The following PHACTR1 variants were observed in gnomAD, a reference collection of about 807,000 sequenced individuals.
The protein encoded by PHACTR1 is RPEL repeat containing 1.
A neutral mutation model predicts 69.2 loss-of-function variants in PHACTR1; 16 were observed. The ratio of observed to expected loss-of-function variants is 0.23; its 90% CI spans 0.16 to 0.35. The LOEUF is 0.35. Among genes scored for constraint, PHACTR1 ranks in the 10% least tolerant of loss-of-function variants. The pLI is 1.00. For missense variants in PHACTR1, 510 were observed against 734.7 expected, an observed-to-expected ratio of 0.69 and a Z score of 3.54; for synonymous variants, 312 against 284.5, an observed-to-expected ratio of 1.10 and a Z score of -0.97.
At chr6:13,204,252 C>T (rs1765600508) in intron 7 of PHACTR1, among the ~76,000 whole-genome samples, 1 of 152,104 alleles carries the variant, frequency 6.6e-6, no homozygotes, top group African/African-American at 2.4e-5. Flanking sequence ...CAGATTTGTG[C>T]TCTAGGAATG....
intron 5 of PHACTR1, among the ~76,000 whole-genome samples, chr6:13,138,608 A>G (rs1270896302): frequency 2.0e-5 from 3 of 152,212 alleles, no homozygotes; most frequent in Admixed American, 2.0e-4. Context: ...TTACAGGCCA[A>G]GGTTGAAGCC....
chr6:13,178,366 C>T (rs193142368), intron 6 of PHACTR1, among the ~76,000 whole-genome samples: 3 of 152,214 alleles, frequency 2.0e-5, no homozygotes. Context: ...CTCATCAGGA[C>T]GAGGCACAAT....
chr6:13,097,585 T>A (rs192957594), intron 5 of PHACTR1, among the ~76,000 whole-genome samples: 1 of 152,326 alleles, frequency 6.6e-6, no homozygotes, highest in African/African-American at 2.4e-5. Flanking sequence ...AGAATGCCCC[T>A]CTTGCCCTGG....
chr6:13,247,449 G>T (rs550614148), intron 10 of PHACTR1, among the ~76,000 whole-genome samples: 1 of 151,748 alleles, frequency 6.6e-6, no homozygotes. Flanking sequence ...GGGTTAAAGC[G>T]ATTCTCCTAC....
intron 4 of PHACTR1, among the ~76,000 whole-genome samples, chr6:12,980,052 C>T (rs996596064): frequency 6.6e-6 from 1 of 152,150 alleles, no homozygotes; most frequent in Non-Finnish European, 1.5e-5. Context: ...AATGTTCAAT[C>T]TACTGATGGA....
At position 12,996,487 on chromosome 6, in the gene PHACTR1, A is replaced by T. The variant is rs186237343; in HGVS notation, c.251-56878A>T. 3.3e-4 allele frequency among the ~76,000 whole-genome samples: 51 copies of T among 152,306 alleles called. 1 individual carries two copies. In the East Asian group the frequency reaches 9.1e-3, roughly 27 times the overall value. Reference sequence around the variant, plus strand: ...AAATGGAAAATTTTCTAGATAAACTATAAACTACCAATATTGACTGAAGAA... The same window carrying T: ...AAATGGAAAATTTTCTAGATAAACTTTAAACTACCAATATTGACTGAAGAA... On this transcript the variant is annotated intron_variant, in intron 4 of 14. Coordinates refer to ENST00000332995, the MANE Select transcript of PHACTR1 (RefSeq NM_030948.6).
intron 3 of PHACTR1, among the ~76,000 whole-genome samples, chr6:12,745,936 C>T (rs1472964452): frequency 1.3e-5 from 2 of 152,164 alleles, no homozygotes; most frequent in Admixed American, 6.5e-5. Flanking sequence ...CTACCCCTAG[C>T]GCTCTTCCAC....
At chr6:12,898,293 C>T (rs984482598) in intron 4 of PHACTR1, among the ~76,000 whole-genome samples, 15 of 152,182 alleles carry the variant, frequency 9.9e-5, no homozygotes, top group Admixed American at 9.8e-4. Flanking sequence ...TCCGTCCACT[C>T]CTTCGTCTCC....
At chr6:13,269,138 A>G (rs190732024) in intron 10 of PHACTR1, among the ~76,000 whole-genome samples, 2 of 10,084 alleles carry the variant, frequency 2.0e-4, no homozygotes, top group East Asian at 2.4e-3. Flanking sequence ...TGATCTCCAA[A>G]TGTAGGCGCC....
intron 4 of PHACTR1, among the ~76,000 whole-genome samples, chr6:12,964,918 C>A (rs1056529198): frequency 6.6e-6 from 1 of 152,076 alleles, no homozygotes; most frequent in Non-Finnish European, 1.5e-5. Context: ...TCCTTGATAT[C>A]CATAGGGAAC....
rs531111005 is a variant in PHACTR1, at chr6:13,162,979, C to T, written c.496+2695C>T. ...AGTGGCTGCGGGCCGGGCTCGGTGTCTCACGCCTGTAATCCCAGCACTTTG... is the reference window on the plus strand; with the variant it reads ...AGTGGCTGCGGGCCGGGCTCGGTGTTTCACGCCTGTAATCCCAGCACTTTG... On this transcript the variant is annotated intron_variant, in intron 6 of 14. Coordinates refer to ENST00000332995, the MANE Select transcript of PHACTR1 (RefSeq NM_030948.6). 3.9e-5 allele frequency among the ~76,000 whole-genome samples: 6 copies of T among 152,330 alleles called. No individual in the cohort carries two copies. The South Asian group carries it at 1.2e-3, about 32-fold the overall frequency.
chr6:13,195,327 T>A (rs1374818059), intron 7 of PHACTR1, among the ~76,000 whole-genome samples: 2 of 152,226 alleles, frequency 1.3e-5, no homozygotes, highest in South Asian at 4.1e-4. Context: ...TCCAACTCAC[T>A]GCAACTAGTT....
chr6:13,070,647 T>C (rs1809364577), intron 5 of PHACTR1, among the ~76,000 whole-genome samples: 1 of 152,196 alleles, frequency 6.6e-6, no homozygotes, highest in South Asian at 2.1e-4. Flanking sequence ...TTAAGATGTA[T>C]GCATATCTGG....
At chr6:12,853,330 G>A (rs180751923) in intron 4 of PHACTR1, among the ~76,000 whole-genome samples, 52 of 152,144 alleles carry the variant, frequency 3.4e-4, no homozygotes, top group Admixed American at 9.2e-4. Context: ...AATCTCCAAC[G>A]AAACACCTAG....
At chr6:13,194,733 C>A (rs1393737719) in intron 7 of PHACTR1, among the ~76,000 whole-genome samples, 1 of 152,124 alleles carries the variant, frequency 6.6e-6, no homozygotes, top group African/African-American at 2.4e-5. Context: ...TCCCACATTA[C>A]AAATATGTAT....
chr6:12,864,713 C>T (rs1320874043), intron 4 of PHACTR1, among the ~76,000 whole-genome samples: 2 of 150,962 alleles, frequency 1.3e-5, no homozygotes, highest in African/African-American at 4.9e-5. Context: ...AAGGAAATCA[C>T]ACCCCCACAG....
At chr6:13,045,801 T>C (rs1036862854) in intron 4 of PHACTR1, among the ~76,000 whole-genome samples, 4 of 152,192 alleles carry the variant, frequency 2.6e-5, no homozygotes, top group Non-Finnish European at 4.4e-5. Flanking sequence ...AGTACACCTA[T>C]GATGAAAGCA....
intron 4 of PHACTR1, among the ~76,000 whole-genome samples, chr6:12,826,225 A>G (rs1776787407): frequency 6.6e-6 from 1 of 152,200 alleles, no homozygotes; most frequent in Non-Finnish European, 1.5e-5. Flanking sequence ...AGGAATTGAG[A>G]GCTTACAAGG....
At chr6:13,254,101 G>A (rs1201736844) in intron 10 of PHACTR1, among the ~76,000 whole-genome samples, 2 of 152,152 alleles carry the variant, frequency 1.3e-5, no homozygotes, top group Non-Finnish European at 2.9e-5. Context: ...GGTGGCACAT[G>A]CCTGTAGTCC....
Sources: gnomAD v4.1 joint callset for allele counts (sites outside exome capture counted in the v4.1 genomes callset) on GRCh38, gnomAD v4.1.1 for gene constraint, MANE v1.5 for transcripts, NCBI Gene and HGNC (gene_info 2026-07-23, HGNC 2026-07-21) for gene names.